Variants in FHIP1A observed in about 807,000 individuals in gnomAD.
FHIP1A encodes the protein FHF complex subunit HOOK interacting protein 1A, also known as FHF complex subunit HOOK-interacting protein 1A.
A neutral mutation model predicts 88.6 loss-of-function variants in FHIP1A; 61 were observed. That is an observed-to-expected ratio of 0.69 (90% CI 0.56 to 0.85). FHIP1A has a LOEUF of 0.85. Among genes scored for constraint, FHIP1A ranks in the 40% least tolerant of loss-of-function variants. The pLI is 0.00. For synonymous variants in FHIP1A, 478 were observed against 496.0 expected, an observed-to-expected ratio of 0.96 and a Z score of 0.48; for missense variants, 1,154 against 1,273.5, an observed-to-expected ratio of 0.91 and a Z score of 1.43.
chr4:151,601,570 A>G (rs1395562816), intron 7 of FHIP1A, among the ~76,000 whole-genome samples: 2 of 150,432 alleles, frequency 1.3e-5, no homozygotes, highest in Non-Finnish European at 2.9e-5. Context: ...TTGGACTCCA[A>G]TGTGACGGGT....
At chr4:151,558,109 A>G (rs142606662) in intron 3 of FHIP1A, among the ~76,000 whole-genome samples, 7 of 152,234 alleles carry the variant, frequency 4.6e-5, no homozygotes, top group Admixed American at 1.3e-4. Flanking sequence ...AATGAGTGCA[A>G]TATTTTAAAG....
chr4:151,531,026 T>G (rs1003850436), intron 3 of FHIP1A, among the ~76,000 whole-genome samples: 7 of 152,168 alleles, frequency 4.6e-5, no homozygotes, highest in Non-Finnish European at 8.8e-5. Context: ...ACAGGAGCCT[T>G]AATGCATGGT....
intron 1 of FHIP1A, among the ~76,000 whole-genome samples, chr4:151,417,444 A>T (rs1468013840): frequency 6.6e-6 from 1 of 152,320 alleles, no homozygotes; most frequent in East Asian, 1.9e-4. Flanking sequence ...TGAAGTTACA[A>T]AATTATATTT....
intron 4 of FHIP1A, among the ~76,000 whole-genome samples, chr4:151,572,431 T>C (rs1322956741): frequency 6.6e-6 from 1 of 152,178 alleles, no homozygotes; most frequent in Non-Finnish European, 1.5e-5. Context: ...ATTAAAAAAC[T>C]GGTGTTAAGT....
intron 3 of FHIP1A, among the ~76,000 whole-genome samples, chr4:151,490,928 C>A (rs1730259396): frequency 6.6e-6 from 1 of 151,780 alleles, no homozygotes; most frequent in East Asian, 1.9e-4. Flanking sequence ...TTTGAATTAA[C>A]CATCTGACAA....
intron 3 of FHIP1A, among the ~76,000 whole-genome samples, chr4:151,556,684 C>T (rs1279110458): frequency 6.6e-6 from 1 of 151,970 alleles, no homozygotes; most frequent in Non-Finnish European, 1.5e-5. Flanking sequence ...TTATCTGCCC[C>T]CTTAAAACCA....
chr4:151,559,375 G>C (rs564419002), intron 3 of FHIP1A, among the ~76,000 whole-genome samples: 17 of 152,256 alleles, frequency 1.1e-4, no homozygotes, highest in Non-Finnish European at 2.4e-4. Context: ...GTCAAAGAAG[G>C]TACAGTTTGA....
chr4:151,508,682 T>TGGG (rs990047240), intron 3 of FHIP1A, among the ~76,000 whole-genome samples: 1 of 152,206 alleles, frequency 6.6e-6, no homozygotes, highest in African/African-American at 2.4e-5. Context: ...CTTAGAATCA[T>TGGG]GGGCTTACCA....
chr4:151,623,100 A>G (rs1735808855), intron 7 of FHIP1A, among the ~76,000 whole-genome samples: 1 of 152,204 alleles, frequency 6.6e-6, no homozygotes, highest in Admixed American at 6.5e-5. Context: ...CAACTTGGCC[A>G]ACGCTAGTTG....
intron 3 of FHIP1A, among the ~76,000 whole-genome samples, chr4:151,506,132 G>A (rs1034439726): frequency 6.6e-6 from 1 of 152,144 alleles, no homozygotes; most frequent in Admixed American, 6.5e-5. Context: ...GCGTTGCCCA[G>A]GCTGGCCTCT....
At chr4:151,558,038 G>A (rs559535177) in intron 3 of FHIP1A, among the ~76,000 whole-genome samples, 1 of 152,152 alleles carries the variant, frequency 6.6e-6, no homozygotes, top group South Asian at 2.1e-4. Context: ...AATCTTGTCA[G>A]AATTTCACAA....
At chr4:151,503,943 A>G (rs1357011585) in intron 3 of FHIP1A, among the ~76,000 whole-genome samples, 1 of 152,222 alleles carries the variant, frequency 6.6e-6, no homozygotes, top group Non-Finnish European at 1.5e-5. Flanking sequence ...ATGCAAAACA[A>G]TAGGAATGTC....
Position 151,433,994 on chromosome 4 carries a change from A to G in FHIP1A, c.-355-20707A>G, listed in dbSNP as rs143353520. ...TTTCGAAGAGCAACTTTTTCATAGT[A>G]AGTGATAGGAAAGAACTTTGCTTCC... is the stretch of plus-strand genomic sequence containing the variant. On this transcript the variant is annotated intron_variant, in intron 1 of 13. Coordinates refer to ENST00000435205, the MANE Select transcript of FHIP1A (RefSeq NM_001109977.3). Among the ~76,000 whole-genome samples, 33 of 152,296 alleles carry G rather than the reference A, an allele frequency of 2.2e-4. No individual in the cohort carries two copies. The East Asian group carries it at 6.0e-3, about 28-fold the overall frequency.
rs1733834597 is a variant in FHIP1A, at chr4:151,577,438, A to G, written c.106-12A>G. The G allele has an allele frequency of 2.7e-6, 4 of 1,509,310 alleles. No individual in the cohort carries two copies. The East Asian group carries it at 9.9e-5, about 37-fold the overall frequency. The allele number at this position is 1,509,310 out of a possible 1,614,324, so 93.5% of individuals were successfully genotyped here. A position where few individuals can be genotyped will look rare whatever the true frequency, so the allele number is the denominator to read the frequency against. ...ACATCAGATGGATGACAAATGCTTG[A>G]CTTGGTTACAGGTTGTGAAAATCTT... On this transcript the variant is annotated splice_polypyrimidine_tract_variant and intron_variant, in intron 4 of 13. Transcript: ENST00000435205.
intron 1 of FHIP1A, among the ~76,000 whole-genome samples, chr4:151,446,308 GCTA>G (rs1728597649): frequency 6.6e-6 from 1 of 151,874 alleles, no homozygotes; most frequent in African/African-American, 2.4e-5. Context: ...TTTTCATATG[GCTA>G]CTAACCTTTC....
At chr4:151,526,700 G>A (rs1454375539) in intron 3 of FHIP1A, among the ~76,000 whole-genome samples, 4 of 151,742 alleles carry the variant, frequency 2.6e-5, no homozygotes, top group African/African-American at 9.7e-5. Flanking sequence ...GGTGGCTGCC[G>A]GGCGGAGACG....
At chr4:151,419,511 A>G (rs565697740) in intron 1 of FHIP1A, among the ~76,000 whole-genome samples, 9 of 143,420 alleles carry the variant, frequency 6.3e-5, no homozygotes, top group Admixed American at 2.2e-4. Context: ...GGCATTTATG[A>G]TCTGGTGCTC....
At chr4:151,592,530 G>A (rs1734479130) in intron 7 of FHIP1A, among the ~76,000 whole-genome samples, 1 of 152,284 alleles carries the variant, frequency 6.6e-6, no homozygotes, top group African/African-American at 2.4e-5. Flanking sequence ...ATGATGGTGA[G>A]CTTTTTTTCA....
chr4:151,499,489 T>C (rs1005374683), intron 3 of FHIP1A, among the ~76,000 whole-genome samples: 11 of 152,346 alleles, frequency 7.2e-5, no homozygotes, highest in Non-Finnish European at 8.8e-5. Flanking sequence ...CTTGACCATG[T>C]TATTCCTGAC....
Sources: allele counts gnomAD v4.1 joint callset (sites outside exome capture counted in the v4.1 genomes callset), GRCh38; gene constraint gnomAD v4.1.1; transcripts MANE v1.5; gene names NCBI Gene and HGNC (gene_info 2026-07-23, HGNC 2026-07-21).